Variants in NRP1 observed in about 807,000 individuals in gnomAD.
NRP1 encodes the protein neuropilin 1.
NRP1 carries 35 observed loss-of-function variants against 106.7 expected under a neutral mutation model. The ratio of observed to expected loss-of-function variants is 0.33; its 90% confidence interval spans 0.25 to 0.43. The LOEUF is 0.43. NRP1 is among the 20% of genes least tolerant of loss of function. The pLI, the probability that NRP1 is intolerant of heterozygous loss-of-function variation, is 1.00. For synonymous variants in NRP1, 437 were observed against 417.9 expected, an observed-to-expected ratio of 1.05 and a Z score of -0.56; for missense variants, 1,024 against 1,170.4, an observed-to-expected ratio of 0.87 and a Z score of 1.83.
chr10:33,247,835 T>C (rs1446304543), intron 6 of NRP1, among the ~76,000 whole-genome samples: 1 of 152,188 alleles, frequency 6.6e-6, no homozygotes, highest in Non-Finnish European at 1.5e-5. Context: ...ACGTCCATTG[T>C]GTAAGACCGT....
intron 2 of NRP1, among the ~76,000 whole-genome samples, chr10:33,323,428 G>A (rs560504380): frequency 2.6e-5 from 4 of 152,184 alleles, no homozygotes; most frequent in South Asian, 2.1e-4. Context: ...TTGAGTAGAC[G>A]GAAGCCAAAA....
At chr10:33,195,681 A>G in intron 12 of NRP1, 2 of 450,556 alleles carry the variant, frequency 4.4e-6, no homozygotes, top group Non-Finnish European at 9.0e-6. Context: ...GTCCCCATGC[A>G]ATATTCTGGG....
At chr10:33,252,041 G>A (rs1427361630) in intron 6 of NRP1, among the ~76,000 whole-genome samples, 1 of 152,062 alleles carries the variant, frequency 6.6e-6, no homozygotes, top group Non-Finnish European at 1.5e-5. Flanking sequence ...CCCCATCCTG[G>A]GCCTTTAATA....
chr10:33,292,126 G>A (rs1234622090), intron 2 of NRP1, among the ~76,000 whole-genome samples: 2 of 152,114 alleles, frequency 1.3e-5, no homozygotes, highest in Non-Finnish European at 2.9e-5. Context: ...GAACTCTCTG[G>A]CTCAAGTGAT....
chr10:33,287,910 C>G (rs1844696859), intron 2 of NRP1, among the ~76,000 whole-genome samples: 1 of 152,150 alleles, frequency 6.6e-6, no homozygotes, highest in Non-Finnish European at 1.5e-5. Context: ...CTGCCATGGT[C>G]TCTCGAGCAT....
intron 2 of NRP1, among the ~76,000 whole-genome samples, chr10:33,330,325 A>G (rs1382507004): frequency 2.0e-5 from 3 of 151,880 alleles, no homozygotes; most frequent in African/African-American, 7.3e-5. Flanking sequence ...TGCGATGTAT[A>G]TTAGTGATCC....
chr10:33,204,249 A>G (rs1837583776), intron 10 of NRP1, among the ~76,000 whole-genome samples: 1 of 152,110 alleles, frequency 6.6e-6, no homozygotes. Context: ...TTGACACTGA[A>G]TGGTGCTGAA....
chr10:33,183,581 G>T (rs1241207523), intron 15 of NRP1, among the ~76,000 whole-genome samples: 1 of 152,194 alleles, frequency 6.6e-6, no homozygotes, highest in East Asian at 1.9e-4. Flanking sequence ...ACATAAAATA[G>T]CTATTGAAGA....
intron 2 of NRP1, among the ~76,000 whole-genome samples, chr10:33,286,402 T>C (rs1353440723): frequency 6.6e-6 from 1 of 152,132 alleles, no homozygotes; most frequent in East Asian, 1.9e-4. Context: ...TTCCCTCCAT[T>C]CCTACATCCT....
chr10:33,292,548 C>A (rs1187019017), intron 2 of NRP1, among the ~76,000 whole-genome samples: 2 of 152,168 alleles, frequency 1.3e-5, no homozygotes, highest in Non-Finnish European at 2.9e-5. Flanking sequence ...AGACCACATG[C>A]TGACCTTGAC....
At chr10:33,245,923 GT>G (rs1841386788) in intron 6 of NRP1, among the ~76,000 whole-genome samples, 1 of 152,158 alleles carries the variant, frequency 6.6e-6, no homozygotes, top group South Asian at 2.1e-4. Context: ...ATTTGTAAGC[GT>G]AATTCTACCT....
intron 2 of NRP1, among the ~76,000 whole-genome samples, chr10:33,314,012 C>CCTTT (rs1846814528): frequency 1.5e-5 from 1 of 65,082 alleles, no homozygotes; most frequent in Non-Finnish European, 4.3e-5. Flanking sequence ...CGTTTTCCTT[C>CCTTT]CTTCCTTCTC....
intron 2 of NRP1, among the ~76,000 whole-genome samples, chr10:33,292,287 T>G (rs2132636761): frequency 6.6e-6 from 1 of 151,984 alleles, no homozygotes; most frequent in South Asian, 2.1e-4. Context: ...TTCCCACTTG[T>G]ATCGATTAAG....
At chr10:33,234,849 A>G (rs1455903458) in intron 6 of NRP1, among the ~76,000 whole-genome samples, 2 of 152,194 alleles carry the variant, frequency 1.3e-5, no homozygotes, top group Non-Finnish European at 2.9e-5. Context: ...GAATTTTCCT[A>G]CCAGAAGACT....
At chr10:33,265,875 C>G (rs1426458427) in intron 3 of NRP1, among the ~76,000 whole-genome samples, 1 of 152,144 alleles carries the variant, frequency 6.6e-6, no homozygotes, top group Non-Finnish European at 1.5e-5. Flanking sequence ...CTAAATTACT[C>G]TGGTGGCTTC....
chr10:33,191,585 A>C (rs980896334), intron 13 of NRP1, among the ~76,000 whole-genome samples: 3 of 152,216 alleles, frequency 2.0e-5, no homozygotes, highest in African/African-American at 7.2e-5. Context: ...ATGATCTGAT[A>C]ATTGTTGAAG....
At chr10:33,213,087 G>A in intron 9 of NRP1, 1 of 683,494 alleles carries the variant, frequency 1.5e-6, no homozygotes, top group Non-Finnish European at 2.4e-6. Context: ...GCGCTGGCTG[G>A]ATGGCTGCTG....
At position 33,331,732 on chromosome 10, in the gene NRP1, C is replaced by G. The variant is rs115139024; in HGVS notation, c.74-850G>C. Among the ~76,000 whole-genome samples the G allele has an allele frequency of 3.7e-3, 562 of 152,158 alleles. 3 individuals carry two copies. The highest frequency in any genetic ancestry group is 0.013 in the African/African-American group (538 of 41,514). On this transcript the variant is annotated intron_variant, in intron 1 of 16. Coordinates refer to ENST00000374867, the MANE Select transcript of NRP1 (RefSeq NM_003873.7). Reference sequence around the variant, plus strand: ...AATGCTCAAGTGAAGCCAAATAAACCAAGTAAACCAGTCTCTGGGCTGCCT... The same window carrying G: ...AATGCTCAAGTGAAGCCAAATAAACGAAGTAAACCAGTCTCTGGGCTGCCT...
At chr10:33,305,929 C>T (rs371497686) in intron 2 of NRP1, among the ~76,000 whole-genome samples, 5 of 151,768 alleles carry the variant, frequency 3.3e-5, no homozygotes, top group Admixed American at 1.3e-4. Flanking sequence ...CCACCACGCC[C>T]GGCTAATTTT....
Sources: allele counts gnomAD v4.1 joint callset (sites outside exome capture counted in the v4.1 genomes callset), GRCh38; gene constraint gnomAD v4.1.1; transcripts MANE v1.5; gene names NCBI Gene and HGNC (gene_info 2026-07-23, HGNC 2026-07-21).